COL8A1: variants seen among roughly 807,000 people sequenced by gnomAD.
COL8A1 encodes collagen type VIII alpha 1 chain.
A neutral mutation model predicts 42.7 loss-of-function variants in COL8A1; 21 were observed. That is an observed-to-expected ratio of 0.49 (90% CI 0.35 to 0.71). The LOEUF is 0.71. Among genes scored for constraint, COL8A1 ranks in the 30% least tolerant of loss-of-function variants. The pLI is 0.01. For synonymous variants in COL8A1, 367 were observed against 369.1 expected (o/e 0.99, Z 0.06); for missense variants, 788 against 962.4 (o/e 0.82, Z 2.40).
intron 1 of COL8A1, among the ~76,000 whole-genome samples, chr3:99,744,193 G>A (rs1940968793): frequency 6.6e-6 from 1 of 152,146 alleles, no homozygotes; most frequent in African/African-American, 2.4e-5. Context: ...GCCTCCCAAA[G>A]TGCTGGGATT....
intron 1 of COL8A1, among the ~76,000 whole-genome samples, chr3:99,733,970 T>A (rs1243244577): frequency 6.6e-6 from 1 of 152,108 alleles, no homozygotes; most frequent in Admixed American, 6.6e-5. Flanking sequence ...TCTGTTCATG[T>A]CCTTCGCCCA....
chr3:99,652,525 C>T (rs1937878986), intron 1 of COL8A1, among the ~76,000 whole-genome samples: 1 of 152,198 alleles, frequency 6.6e-6, no homozygotes, highest in Admixed American at 6.5e-5. Flanking sequence ...CTGAAGTCCT[C>T]TTCTTTCTAC....
intron 1 of COL8A1, among the ~76,000 whole-genome samples, chr3:99,729,818 A>G (rs1205927711): frequency 2.0e-5 from 3 of 152,048 alleles, no homozygotes. Context: ...AATCAGATGT[A>G]CTACTCTATG....
chr3:99,789,117 G>A (rs1201142346), intron 2 of COL8A1, among the ~76,000 whole-genome samples: 1 of 151,978 alleles, frequency 6.6e-6, no homozygotes, highest in Non-Finnish European at 1.5e-5. Flanking sequence ...TTTGTGATAG[G>A]GATTCATTTT....
intron 2 of COL8A1, among the ~76,000 whole-genome samples, chr3:99,753,963 G>C (rs1180841265): frequency 6.6e-6 from 1 of 152,186 alleles, no homozygotes; most frequent in Non-Finnish European, 1.5e-5. Context: ...CTACTGGGAA[G>C]ATAACTACAC....
Position 99,797,454 on chromosome 3 carries a change from T to C in COL8A1, c.*1318T>C, listed in dbSNP as rs1459766797. 1 of 152,046 alleles carries C rather than the reference T, an allele frequency of 6.6e-6. No individual in the cohort carries two copies. The highest frequency in any genetic ancestry group is 2.4e-5 in the African/African-American group (1 of 41,376). The allele number at this position is 152,046 out of a possible 1,614,324, so 9.4% of individuals were successfully genotyped here. ...GCCTGGCTAATTTTTGTATATTTAG[T>C]AAAGATGGGTTTTCGCCATGTTGGC... On this transcript the variant is annotated 3_prime_UTR_variant, in exon 4 of 4. Transcript: ENST00000652472.
intron 1 of COL8A1, among the ~76,000 whole-genome samples, chr3:99,710,433 T>A (rs1939802149): frequency 6.6e-6 from 1 of 152,210 alleles, no homozygotes; most frequent in Non-Finnish European, 1.5e-5. Flanking sequence ...ATGTATATTT[T>A]AAGGAATGTC....
chr3:99,741,063 T>A (rs1940886237), intron 1 of COL8A1, among the ~76,000 whole-genome samples: 1 of 152,192 alleles, frequency 6.6e-6, no homozygotes, highest in Non-Finnish European at 1.5e-5. Flanking sequence ...TATTTTCCAG[T>A]AAGTCTGTGC....
chr3:99,701,278 T>C (rs1939529721), intron 1 of COL8A1, among the ~76,000 whole-genome samples: 1 of 152,238 alleles, frequency 6.6e-6, no homozygotes, highest in Non-Finnish European at 1.5e-5. Context: ...TGTGTTTTCC[T>C]TTCTGCTTGC....
At chr3:99,727,906 AT>A (rs1940384491) in intron 1 of COL8A1, among the ~76,000 whole-genome samples, 1 of 151,954 alleles carries the variant, frequency 6.6e-6, no homozygotes, top group Non-Finnish European at 1.5e-5. Flanking sequence ...GATTATCTCA[AT>A]AGATGCAGAA....
chr3:99,707,938 A>T (rs1301484248), intron 1 of COL8A1, among the ~76,000 whole-genome samples: 2 of 151,918 alleles, frequency 1.3e-5, no homozygotes, highest in East Asian at 1.9e-4. Context: ...AGAGGCAGGG[A>T]GAGGTTAGGT....
chr3:99,691,408 T>C (rs376949475), intron 1 of COL8A1: 13 of 152,122 alleles, frequency 8.5e-5, no homozygotes, highest in African/African-American at 3.1e-4. Context: ...GGATCCAGTT[T>C]CACCTATGGA....
chr3:99,735,119 T>A (rs1403962425), intron 1 of COL8A1, among the ~76,000 whole-genome samples: 35 of 146,338 alleles, frequency 2.4e-4, no homozygotes, highest in Non-Finnish European at 4.3e-4. Context: ...GACTTCCTCT[T>A]TTCCTAATTG....
intron 1 of COL8A1, among the ~76,000 whole-genome samples, chr3:99,672,056 G>C (rs1938562528): frequency 6.6e-6 from 1 of 151,970 alleles, no homozygotes; most frequent in African/African-American, 2.4e-5. Context: ...AACCACTTTA[G>C]AGCCTGACAG....
chr3:99,727,548 C>T (rs2107378658), intron 1 of COL8A1, among the ~76,000 whole-genome samples: 1 of 152,014 alleles, frequency 6.6e-6, no homozygotes, highest in African/African-American at 2.4e-5. Flanking sequence ...GTTTTCCCAG[C>T]ACCATTTATT....
intron 1 of COL8A1, among the ~76,000 whole-genome samples, chr3:99,639,222 A>G (rs1368182545): frequency 6.6e-6 from 1 of 152,236 alleles, no homozygotes; most frequent in Non-Finnish European, 1.5e-5. Context: ...GTAAGTAATC[A>G]GGTGGCTGGT....
chr3:99,775,471 G>T (rs187916021), intron 2 of COL8A1, among the ~76,000 whole-genome samples: 1 of 152,286 alleles, frequency 6.6e-6, no homozygotes, highest in East Asian at 1.9e-4. Flanking sequence ...GCCAGTTTCC[G>T]TGGAGCTTTG....
intron 1 of COL8A1, among the ~76,000 whole-genome samples, chr3:99,743,813 A>C (rs1038407751): frequency 1.3e-5 from 2 of 152,310 alleles, no homozygotes; most frequent in South Asian, 2.1e-4. Flanking sequence ...GAACTTACTA[A>C]ATTTGATACC....
chr3:99,697,080 G>C (rs1003696152), intron 1 of COL8A1, among the ~76,000 whole-genome samples: 1 of 141,486 alleles, frequency 7.1e-6, no homozygotes, highest in East Asian at 2.1e-4. Flanking sequence ...TCCGCCTCCC[G>C]GGTTCACGCC....
Sources: gnomAD v4.1 joint callset for allele counts (sites outside exome capture counted in the v4.1 genomes callset) on GRCh38, gnomAD v4.1.1 for gene constraint, MANE v1.5 for transcripts, NCBI Gene and HGNC (gene_info 2026-07-23, HGNC 2026-07-21) for gene names.